Variants in CCZ1 observed in about 807,000 individuals in gnomAD.
CCZ1 encodes the protein CCZ1 vacuolar protein trafficking and biogenesis associated.
In CCZ1, 19 loss-of-function variants were observed where a neutral mutation model predicts 57.8. That is an observed-to-expected ratio of 0.33 (90% CI 0.23 to 0.48). The LOEUF is 0.48. Among genes scored for constraint, CCZ1 ranks in the 20% least tolerant of loss-of-function variants. The pLI is 0.99. For synonymous variants in CCZ1, 81 were observed against 167.0 expected (o/e 0.49, Z 3.97); for missense variants, 200 against 492.0 (o/e 0.41, Z 5.61).
chr7:5,913,141 AGTTTT>A (rs1372911924), intron 10 of CCZ1, among the ~76,000 whole-genome samples, 187 bp downstream of exon 10: 4 of 147,608 alleles, frequency 2.7e-5, no homozygotes, highest in Non-Finnish European at 5.9e-5. Flanking sequence ...CCTTTTAAAC[AGTTTT>A]GTTATTAGTG....
At position 5,907,155 on chromosome 7, in the gene CCZ1, C is replaced by T. The variant is rs149853227; in HGVS notation, c.698+1886C>T. Among the ~76,000 whole-genome samples, 27 of 146,428 alleles carry T rather than the reference C, an allele frequency of 1.8e-4. 1 individual carries two copies. The South Asian group carries it at 5.1e-3, about 28-fold the overall frequency. On this transcript the variant is annotated intron_variant, in intron 7 of 14. Coordinates refer to ENST00000325974, the MANE Select transcript of CCZ1 (RefSeq NM_015622.6). Reference sequence around the variant, plus strand: ...ATTACAGGTGTGAGCCACTGTGCCCCGCCTCCACCTACTTTCTAATTTGAC... The same window carrying T: ...ATTACAGGTGTGAGCCACTGTGCCCTGCCTCCACCTACTTTCTAATTTGAC...
intron 6 of CCZ1, among the ~76,000 whole-genome samples, chr7:5,904,518 C>CT (rs1295987781): frequency 7.0e-6 from 1 of 143,740 alleles, no homozygotes; most frequent in Non-Finnish European, 1.5e-5. Context: ...TAGCAAGACT[C>CT]TGTCTATACC....
rs796636886 is a variant in CCZ1, at chr7:5,905,781, CAA to C, written c.698+537_698+538del. 7.6e-3 allele frequency among the ~76,000 whole-genome samples: 335 copies of C among 44,210 alleles called. 2 individuals carry two copies. The highest frequency in any genetic ancestry group is 0.021 in the African/African-American group (296 of 14,180). 29.0% of individuals were successfully genotyped at this position (44,210 alleles called of 152,430 possible). A position where few individuals can be genotyped will look rare whatever the true frequency, so the allele number is the denominator to read the frequency against. On this transcript the variant is annotated intron_variant, in intron 7 of 14. Transcript: ENST00000325974. ...TGGCAACAGAGAGAGACTCTGTCTC[CAA>C]AAAAAAAAAAAAAAAAAAAAAAAAG...
chr7:5,906,323 CT>C lies in CCZ1; in HGVS notation c.698+1072del, dbSNP rs398066572. On this transcript the variant is annotated intron_variant, in intron 7 of 14. Coordinates refer to ENST00000325974, the MANE Select transcript of CCZ1 (RefSeq NM_015622.6). ...TGACTAGAGCCCACTTTCTTTCTTT[CT>C]TTTTTTTTTTTTTTTTTGAGACGGA... Among the ~76,000 whole-genome samples the C allele has an allele frequency of 2.7e-3, 346 of 127,992 alleles. 9 individuals are homozygous for C. Among genetic ancestry groups the C allele is most frequent in the African/African-American group, 4.7e-3 (156 of 33,360 alleles). 84.0% of individuals were successfully genotyped at this position (127,992 alleles called of 152,430 possible). A position where few individuals can be genotyped will look rare whatever the true frequency, so the allele number is the denominator to read the frequency against.
intron 10 of CCZ1, among the ~76,000 whole-genome samples, chr7:5,915,062 A>C (rs1219018366): frequency 6.8e-6 from 1 of 147,534 alleles, no homozygotes; most frequent in Admixed American, 6.7e-5. Flanking sequence ...TGGGGTGATA[A>C]GGCTCTTCAG....
rs1290211992 is a variant in CCZ1 at position 5,902,747 on chromosome 7, A to C, written c.522+3A>C. On this transcript the variant is annotated splice_donor_region_variant and intron_variant, in intron 6 of 14. Transcript: ENST00000325974. ...GATTAGAGAAATTCTTCCATCGGGT[A>C]AGTATTTTGAATTTCATTTATAACT... 6.3e-7 allele frequency: 1 copy of C among 1,591,006 alleles called. No homozygotes were observed. Among genetic ancestry groups the C allele is most frequent in the Non-Finnish European group, 8.5e-7 (1 of 1,175,642 alleles).
chr7:5,905,766 G>GA (rs1198870775), intron 7 of CCZ1, among the ~76,000 whole-genome samples: 1 of 71,794 alleles, frequency 1.4e-5, no homozygotes, highest in Non-Finnish European at 2.4e-5. Context: ...TGGCAACAGA[G>GA]AGAGACTCTG....
intron 10 of CCZ1, among the ~76,000 whole-genome samples, chr7:5,913,197 A>C (rs901420810): frequency 5.4e-5 from 8 of 147,788 alleles, no homozygotes; most frequent in Admixed American, 1.3e-4. Flanking sequence ...AAACGTGTGA[A>C]GTCTCACGTG....
At chr7:5,923,013 CTT>C (rs1192888642) in intron 12 of CCZ1, among the ~76,000 whole-genome samples, 1 of 145,396 alleles carries the variant, frequency 6.9e-6, no homozygotes, top group Non-Finnish European at 1.5e-5. Context: ...TCCCGTGAAA[CTT>C]TGTTTAGAAA....
intron 1 of CCZ1, among the ~76,000 whole-genome samples, chr7:5,899,449 A>C (rs1781633194): frequency 7.0e-6 from 1 of 142,788 alleles, no homozygotes; most frequent in Admixed American, 7.0e-5. Context: ...GTTTCCAGCA[A>C]GTCAGACTTC....
At chr7:5,913,032 C>T in intron 10 of CCZ1, 78 bp downstream of exon 10, 9 of 1,517,910 alleles carry the variant, frequency 5.9e-6, no homozygotes, top group Non-Finnish European at 7.1e-6. Flanking sequence ...AGTGCATGTG[C>T]AAACCTCTTA....
At position 5,905,279 on chromosome 7, in the gene CCZ1, C is replaced by A. The variant is rs773798026; in HGVS notation, c.698+10C>A. 5.6e-6 allele frequency: 8 copies of A among 1,422,524 alleles called. 1 individual carries two copies. In the East Asian group the frequency reaches 1.9e-4, roughly 34 times the overall value. The allele number at this position is 1,422,524 out of a possible 1,614,324, so 88.1% of individuals were successfully genotyped here. ...ACGATCAGCTCATCTGGTAGGTACA[C>A]CCCGAGGCATGGTATTAAAAGAAGA... is the stretch of plus-strand genomic sequence containing the variant. On this transcript the variant is annotated intron_variant, in intron 7 of 14. Transcript: ENST00000325974.
At position 5,902,361 on chromosome 7, in the gene CCZ1, T is replaced by G. The variant is rs967367787; in HGVS notation, c.439-300T>G. 5.3e-5 allele frequency: 13 copies of G among 246,748 alleles called. No individual in the cohort carries two copies. In the South Asian group the frequency reaches 9.6e-4, roughly 18 times the overall value. 15.3% of individuals were successfully genotyped at this position (246,748 alleles called of 1,614,324 possible). On this transcript the variant is annotated intron_variant, in intron 5 of 14. Transcript: ENST00000325974. The stretch of plus-strand genomic sequence containing the variant: ...CATTTATTAACAGAACACTGAAAAA[T>G]AAAAAAACAGAAATGTGGGTGATAT...
chr7:5,904,367 C>G (rs1159679623), intron 6 of CCZ1, among the ~76,000 whole-genome samples: 1 of 144,872 alleles, frequency 6.9e-6, no homozygotes, highest in Non-Finnish European at 1.5e-5. Context: ...ATTACAGGCG[C>G]GAGCCGCTGT....
intron 6 of CCZ1, among the ~76,000 whole-genome samples, chr7:5,904,527 C>T (rs1475410091): frequency 7.0e-6 from 1 of 143,198 alleles, no homozygotes; most frequent in Non-Finnish European, 1.5e-5. Context: ...TCTGTCTATA[C>T]CAAAAAAAAA....
At chr7:5,900,734 T>C (rs1781667644) in intron 3 of CCZ1, 121 bp from the exon 4 acceptor site, 1 of 1,547,174 alleles carries the variant, frequency 6.5e-7, no homozygotes, top group African/African-American at 1.4e-5. Flanking sequence ...TATTCATTCT[T>C]GGGGCTGTTT....
chr7:5,910,358 G>T (rs1308871595), intron 8 of CCZ1: 7 of 378,528 alleles, frequency 1.8e-5, no homozygotes, highest in African/African-American at 6.4e-5. Context: ...TGGTTTTTTT[G>T]TGTGTGTTTT....
intron 7 of CCZ1, among the ~76,000 whole-genome samples, chr7:5,908,324 C>CAT (rs1781883134): frequency 1.2e-4 from 12 of 101,528 alleles, no homozygotes; most frequent in South Asian, 8.9e-4. Flanking sequence ...GAAAAAAAAA[C>CAT]TTGTCACAAG....
intron 8 of CCZ1, 147 bp downstream of exon 8, chr7:5,910,263 T>A: frequency 1.5e-6 from 1 of 669,528 alleles, no homozygotes; most frequent in Non-Finnish European, 2.5e-6. Flanking sequence ...GTATATCAAT[T>A]AGCACAGAAA....
Sources: gnomAD v4.1 joint callset for allele counts (sites outside exome capture counted in the v4.1 genomes callset) on GRCh38, gnomAD v4.1.1 for gene constraint, MANE v1.5 for transcripts, NCBI Gene and HGNC (gene_info 2026-07-23, HGNC 2026-07-21) for gene names.